Variants in DAB1 observed in about 807,000 individuals in gnomAD.
The protein encoded by DAB1 is DAB adaptor protein 1, also known as disabled homolog 1.
In DAB1, 15 loss-of-function variants were observed where a neutral mutation model predicts 64.6. The ratio of observed to expected loss-of-function variants is 0.23; its 90% confidence interval spans 0.16 to 0.36. The LOEUF is 0.36. Among genes scored for constraint, DAB1 ranks in the 10% least tolerant of loss-of-function variants. The pLI is 1.00. For missense variants in DAB1, 596 were observed against 706.7 expected, an observed-to-expected ratio of 0.84 and a Z score of 1.78; for synonymous variants, 235 against 251.9, an observed-to-expected ratio of 0.93 and a Z score of 0.64.
At chr1:57,178,074 G>A (rs564715416) in intron 2 of DAB1, among the ~76,000 whole-genome samples, 9 of 152,176 alleles carry the variant, frequency 5.9e-5, no homozygotes, top group South Asian at 2.1e-4. Context: ...AGCCATGGGC[G>A]AAAACCATAT....
chr1:57,539,861 G>A (rs1644780120), intron 7 of DAB1, among the ~76,000 whole-genome samples: 1 of 152,190 alleles, frequency 6.6e-6, no homozygotes, highest in Non-Finnish European at 1.5e-5. Context: ...GTAGTCCAGA[G>A]CTTATAGTGA....
At chr1:58,049,935 G>C (rs867811130) in intron 5 of DAB1, among the ~76,000 whole-genome samples, 5 of 152,240 alleles carry the variant, frequency 3.3e-5, no homozygotes, top group Admixed American at 1.3e-4. Context: ...TGTTTGAAAA[G>C]GGGGCATGCA....
In DAB1 at chr1:58,073,194, C is replaced by T. The variant is rs554721196; in HGVS notation, n.387+77317G>A. Among the ~76,000 whole-genome samples the T allele has an allele frequency of 3.3e-5, 5 of 152,288 alleles. No individual in the cohort carries two copies. The East Asian group carries it at 7.7e-4, about 24-fold the overall frequency. The stretch of plus-strand genomic sequence containing the variant: ...CACCTATGCTATACAGAACTAGCTG[C>T]GTTAGCCAAATAACCATGCTTTGTC... On this transcript the variant is annotated intron_variant and non_coding_transcript_variant, in intron 5 of 20. Coordinates refer to the DAB1 transcript ENST00000485760.
intron 1 of DAB1, among the ~76,000 whole-genome samples, chr1:57,394,761 A>G (rs511115): frequency 0.41 from 62,483 of 152,038 alleles, 13,425 homozygotes; most frequent in African/African-American, 0.47. Flanking sequence ...AGGACTTCCA[A>G]AGCCTTTAAC....
chr1:58,472,446 C>A (rs1225081689), intron 3 of DAB1, among the ~76,000 whole-genome samples: 3 of 152,146 alleles, frequency 2.0e-5, no homozygotes, highest in Non-Finnish European at 4.4e-5. Flanking sequence ...TTTCATAAGT[C>A]TTGCTTAGAA....
At chr1:58,034,955 C>G (rs534905658) in intron 5 of DAB1, among the ~76,000 whole-genome samples, 2 of 152,306 alleles carry the variant, frequency 1.3e-5, no homozygotes, top group South Asian at 2.1e-4. Context: ...ACGTCTCTTC[C>G]CCTCGAACCT....
intron 7 of DAB1, among the ~76,000 whole-genome samples, chr1:57,611,929 C>A (rs542486649): frequency 6.6e-6 from 1 of 152,198 alleles, no homozygotes; most frequent in Non-Finnish European, 1.5e-5. Context: ...ATAAGACCCA[C>A]CCCCCTGCCA....
At chr1:57,413,481 C>A (rs1004012644) in intron 1 of DAB1, among the ~76,000 whole-genome samples, 1 of 152,072 alleles carries the variant, frequency 6.6e-6, no homozygotes, top group African/African-American at 2.4e-5. Flanking sequence ...GTGGCTCATG[C>A]CTGTAATCCC....
chr1:57,232,435 T>C (rs1378137985), intron 2 of DAB1, among the ~76,000 whole-genome samples: 1 of 152,068 alleles, frequency 6.6e-6, no homozygotes, highest in African/African-American at 2.4e-5. Context: ...ACTATGCAAC[T>C]ACTACCTGAA....
intron 1 of DAB1, among the ~76,000 whole-genome samples, chr1:58,531,518 T>G (rs1293197742): frequency 1.3e-5 from 2 of 152,220 alleles, no homozygotes; most frequent in African/African-American, 2.4e-5. Context: ...TAAATGTTAA[T>G]GTTGTAATGC....
intron 1 of DAB1, among the ~76,000 whole-genome samples, chr1:57,851,711 G>C (rs778645645): frequency 1.3e-5 from 2 of 152,150 alleles, no homozygotes; most frequent in Non-Finnish European, 2.9e-5. Context: ...TCATTCTCTG[G>C]CTTCTGATGT....
At chr1:57,129,324 G>T (rs528942380) in intron 4 of DAB1, among the ~76,000 whole-genome samples, 2 of 152,034 alleles carry the variant, frequency 1.3e-5, no homozygotes, top group Non-Finnish European at 2.9e-5. Flanking sequence ...GCTACGAATT[G>T]ATTTTTTTTA....
chr1:57,243,505 G>A (rs1010091069), intron 2 of DAB1, among the ~76,000 whole-genome samples: 2 of 152,040 alleles, frequency 1.3e-5, no homozygotes, highest in African/African-American at 4.8e-5. Flanking sequence ...GTGTGTGCTA[G>A]GAATGAGGAG....
intron 2 of DAB1, among the ~76,000 whole-genome samples, chr1:57,145,777 A>G (rs978258993): frequency 6.6e-6 from 1 of 152,226 alleles, no homozygotes; most frequent in African/African-American, 2.4e-5. Context: ...AAATGATCAT[A>G]ATCACCCACT....
chr1:57,153,352 T>C (rs1659880484), intron 2 of DAB1, among the ~76,000 whole-genome samples: 1 of 152,098 alleles, frequency 6.6e-6, no homozygotes. Flanking sequence ...AAGCTTACTT[T>C]TTCTTAGAAC....
At chr1:57,100,961 C>G (rs1332459135) in intron 4 of DAB1, among the ~76,000 whole-genome samples, 4 of 152,176 alleles carry the variant, frequency 2.6e-5, no homozygotes, top group Admixed American at 2.6e-4. Flanking sequence ...CTTTAATCCT[C>G]CCATCATCGC....
chr1:57,415,280 C>CACAT (rs1369470024), intron 1 of DAB1, among the ~76,000 whole-genome samples: 2,629 of 145,320 alleles, frequency 0.018, 40 homozygotes, highest in Non-Finnish European at 0.029. Flanking sequence ...CACACACACA[C>CACAT]ATATATGCAC....
At chr1:57,443,546 C>T (rs1404821064) in intron 7 of DAB1, among the ~76,000 whole-genome samples, 2 of 152,214 alleles carry the variant, frequency 1.3e-5, no homozygotes, top group Non-Finnish European at 2.9e-5. Context: ...CTTTGGCACT[C>T]TACCAACCTA....
At chr1:57,725,248 T>C (rs1375250844) in intron 6 of DAB1, among the ~76,000 whole-genome samples, 1 of 152,200 alleles carries the variant, frequency 6.6e-6, no homozygotes, top group East Asian at 1.9e-4. Context: ...GCAGGAACGA[T>C]TACTTGCTCC....
Sources: gnomAD v4.1 joint callset for allele counts (sites outside exome capture counted in the v4.1 genomes callset) on GRCh38, gnomAD v4.1.1 for gene constraint, MANE v1.5 for transcripts, NCBI Gene and HGNC (gene_info 2026-07-23, HGNC 2026-07-21) for gene names.